The following PRR14 variants were observed in gnomAD, a reference collection of about 807,000 sequenced individuals.
PRR14 encodes proline rich 14.
PRR14 carries 33 observed loss-of-function variants against 57.2 expected under a neutral mutation model. That is an observed-to-expected ratio of 0.58 (90% CI 0.44 to 0.77). The LOEUF is 0.77. Ranked by LOEUF, PRR14 falls within the 30% of genes least tolerant of loss-of-function variation. The pLI is 0.00. For synonymous variants in PRR14, 303 were observed against 314.7 expected (o/e 0.96, Z 0.39); for missense variants, 716 against 788.1 (o/e 0.91, Z 1.10).
intron 5 of PRR14, 29 bp from the exon 6 acceptor site, chr16:30,653,336 C>A: frequency 6.2e-7 from 1 of 1,612,804 alleles, no homozygotes; most frequent in Non-Finnish European, 8.5e-7. Flanking sequence ...TTTCCTGCCT[C>A]CCCACAAACA....
At chr16:30,652,696 C>T (rs1182757383) in intron 3 of PRR14, 25 bp from the exon 4 acceptor site, 17 of 1,613,982 alleles carry the variant, frequency 1.1e-5, no homozygotes, top group Non-Finnish European at 1.4e-5. Context: ...TATCACCTTG[C>T]TCTTGACACC....
At chr16:30,654,429 G>C in intron 7 of PRR14, 90 bp downstream of exon 7, 1 of 1,173,682 alleles carries the variant, frequency 8.5e-7, no homozygotes, top group South Asian at 1.3e-5. Context: ...TTGGGGATAG[G>C]GCTTAAGCCA....
intron 3 of PRR14, chr16:30,652,232 C>CTTTTT: frequency 1.9e-6 from 1 of 519,546 alleles, no homozygotes; most frequent in Non-Finnish European, 3.5e-6. Flanking sequence ...TTTTTTCTAT[C>CTTTTT]TTTTTTTTTT....
Position 30,651,641 on chromosome 16 carries a change from C to A in PRR14, c.-5C>A. 6.3e-7 allele frequency: 1 copy of A among 1,595,020 alleles called. No homozygotes were observed. ...AGGGACCCCCCCGGAGCCGCCGCGT[C>A]TCCCATGGACTTGCCCGGGGACTCC... On this transcript the variant is annotated 5_prime_UTR_variant, in exon 2 of 12. Transcript: ENST00000300835. The surrounding 1 kb of genome is among the most constrained non-coding windows in gnomAD (Gnocchi z 5.0).
chr16:30,655,255 C>G lies in PRR14; in HGVS notation c.1244+41C>G. ...AACCCCCTTGAAGCCTGGCTGCAGC[C>G]TGGTCCCAGCCTCCTTCCCTGAGTA... On this transcript the variant is annotated intron_variant, in intron 8 of 11. Coordinates refer to ENST00000300835, the MANE Select transcript of PRR14 (RefSeq NM_024031.5). This position sits in a 1 kb window ranked among gnomAD's most constrained non-coding sequence, Gnocchi z 4.6. 2 of 1,596,516 alleles carry G rather than the reference C, an allele frequency of 1.3e-6. No individual in the cohort carries two copies. Among genetic ancestry groups the G allele is most frequent in the Non-Finnish European group, 1.7e-6 (2 of 1,168,166 alleles).
intron 3 of PRR14, 192 bp from the exon 4 acceptor site, chr16:30,652,529 A>G: frequency 1.5e-6 from 1 of 669,894 alleles, no homozygotes; most frequent in Non-Finnish European, 2.6e-6. Context: ...CCCAGGTCCT[A>G]CACCTGCAGT....
At chr16:30,652,561 C>A in intron 3 of PRR14, 160 bp from the exon 4 acceptor site, 1 of 841,768 alleles carries the variant, frequency 1.2e-6, no homozygotes, top group Non-Finnish European at 1.9e-6. Flanking sequence ...AATATCTGGC[C>A]CCTAATTCAG....
Position 30,654,283 on chromosome 16 carries a change from A to C in PRR14, c.602A>C (p.Glu201Ala), listed in dbSNP as rs150237031. Residue 201 changes from glutamate to alanine, a missense_variant, in exon 7 of 12, where the codon GAA becomes GCA. By Grantham distance (107) the Glu-to-Ala change is moderately radical (BLOSUM62 -1). Coordinates refer to ENST00000300835, the MANE Select transcript of PRR14 (RefSeq NM_024031.5). ...RQPTPPPGDL[E>A]PPFQPSALPA... ...CCAACGCCTCCACCTGGGGACCTAG[A>C]ACCCCCATTCCAGCCATCTGCTCTG... is the stretch of plus-strand genomic sequence containing the variant. 1.2e-4 allele frequency: 189 copies of C among 1,613,934 alleles called. No homozygotes were observed. Among genetic ancestry groups the C allele is most frequent in the Non-Finnish European group, 1.6e-4 (186 of 1,179,964 alleles).
In PRR14 at chr16:30,651,352, G is replaced by A. The variant is rs1298341717; in HGVS notation, c.-51+225G>A. ...AGGCCTCGGGAGGCTCGGGCCGCGGGAGAACTGGGGCCGCTGCATTCTGGG... is the reference window on the plus strand; with the variant it reads ...AGGCCTCGGGAGGCTCGGGCCGCGGAAGAACTGGGGCCGCTGCATTCTGGG... On this transcript the variant is annotated intron_variant, in intron 1 of 11. Transcript: ENST00000300835. This position sits in a 1 kb window ranked among gnomAD's most constrained non-coding sequence, Gnocchi z 5.0. The A allele has an allele frequency of 2.2e-6, 1 of 447,986 alleles. No individual in the cohort carries two copies. The highest frequency in any genetic ancestry group is 4.1e-6 in the Non-Finnish European group (1 of 246,690). 27.8% of individuals were successfully genotyped at this position (447,986 alleles called of 1,614,324 possible).
rs201162669 is a variant in PRR14, at chr16:30,654,631, C to G, written c.661C>G (p.Pro221Ala). The change falls in exon 8 of 12, where the codon CCA becomes GCA. Residue 221 changes from proline (P) to alanine (A), a missense_variant and splice_region_variant. Physicochemically the swap from Pro to Ala is conservative, Grantham distance 27 (BLOSUM62 -1). Coordinates refer to ENST00000300835, the MANE Select transcript of PRR14 (RefSeq NM_024031.5). ...CTGTGACCCTCTCCTTTCCTCAGCC[C>G]CAGATCCTGCTCTGGAGCTCCCATC... ...ADPLESPPTAPDPALELPSTP... is the reference protein window; with the variant it reads ...ADPLESPPTAADPALELPSTP... 1 of 1,599,546 alleles carries G rather than the reference C, an allele frequency of 6.3e-7. No homozygotes were observed. The highest frequency in any genetic ancestry group is 2.2e-5 in the East Asian group (1 of 44,670).
rs764668239 is a variant in PRR14, at chr16:30,654,714, G to A, written c.744G>A (p.Pro248=). 3.2e-5 allele frequency: 52 copies of A among 1,613,518 alleles called. No individual in the cohort carries two copies. The highest frequency in any genetic ancestry group is 1.6e-4 in the Middle Eastern group (1 of 6,084). The part of the protein sequence containing the change: ...RPRLSPWGLA[P]LFRSVRSKLE... The stretch of plus-strand genomic sequence containing the variant: ...GCCTCAGTCCCTGGGGCTTGGCCCC[G>A]CTCTTCCGTTCCGTCCGCTCCAAGC... The change falls in exon 8 of 12, where the codon CCG becomes CCA. Residue 248 remains proline (P), a synonymous_variant. Transcript: ENST00000300835.
Position 30,656,016 on chromosome 16 carries a change from T to G in PRR14, c.1479-16T>G, listed in dbSNP as rs1212620690. On this transcript the variant is annotated splice_polypyrimidine_tract_variant and intron_variant, in intron 11 of 11. Coordinates refer to ENST00000300835, the MANE Select transcript of PRR14 (RefSeq NM_024031.5). Reference sequence around the variant, plus strand: ...AGCACCCTGATAAAACCAGCTCCTCTCCCTGCCTTGTTCAGGACCTTTGAG... The same window carrying G: ...AGCACCCTGATAAAACCAGCTCCTCGCCCTGCCTTGTTCAGGACCTTTGAG... The G allele has an allele frequency of 3.2e-6, 5 of 1,586,070 alleles. No homozygotes were observed. The highest frequency in any genetic ancestry group is 4.3e-6 in the Non-Finnish European group (5 of 1,166,632).
At position 30,654,792 on chromosome 16, in the gene PRR14, A is replaced by G. The variant is rs769729172; in HGVS notation, c.822A>G (p.Pro274=). 2.4e-5 allele frequency: 11 copies of G among 467,904 alleles called. No individual in the cohort carries two copies. Among genetic ancestry groups the G allele is most frequent in the South Asian group, 9.6e-5 (4 of 41,506 alleles). 29.0% of individuals were successfully genotyped at this position (467,904 alleles called of 1,614,324 possible). A position where few individuals can be genotyped will look rare whatever the true frequency, so the allele number is the denominator to read the frequency against. ...CGCCCAACAAAACCCCACAGCCCCC[A>G]CCCCCGTCCCCCCCAATGAAGCTGG... ...FLTPNKTPQP[P]PPSPPMKLEL... The change falls in exon 8 of 12, where the codon CCA becomes CCG. Residue 274 remains proline, a synonymous_variant. Coordinates refer to ENST00000300835, the MANE Select transcript of PRR14 (RefSeq NM_024031.5).
At chr16:30,652,113 G>A (rs1252487309) in intron 3 of PRR14, 149 bp downstream of exon 3, 3 of 895,882 alleles carry the variant, frequency 3.3e-6, no homozygotes, top group Non-Finnish European at 5.0e-6. Context: ...GTAGAGTCCT[G>A]CTTGGCTCCC....
In PRR14 at chr16:30,652,974, C is replaced by T; in HGVS notation, c.375C>T (p.Ser125=). The change falls in exon 5 of 12, where the codon TCC becomes TCT. Residue 125 remains serine (S), a synonymous_variant. Coordinates refer to ENST00000300835, the MANE Select transcript of PRR14 (RefSeq NM_024031.5). ...TGAGCCGCATCCACCGGACCTCTTC[C>T]ACCCTGAGGCGGCGATCAAGGACAA... ...EPLSRIHRTS[S]TLRRRSRTTP... is the part of the protein sequence containing the mutation. 1.2e-6 allele frequency: 2 copies of T among 1,614,182 alleles called. No homozygotes were observed. Among genetic ancestry groups the T allele is most frequent in the Non-Finnish European group, 1.7e-6 (2 of 1,180,020 alleles).
chr16:30,651,766 C>G lies in PRR14; in HGVS notation c.24-30C>G, dbSNP rs767956297. Reference sequence around the variant, plus strand: ...CTACAGAGCCAGCGACAGGTTCGGGCGACCGTCCTCTGCTTCTTTCACCCT... The same window carrying G: ...CTACAGAGCCAGCGACAGGTTCGGGGGACCGTCCTCTGCTTCTTTCACCCT... On this transcript the variant is annotated intron_variant, in intron 2 of 11. Coordinates refer to ENST00000300835, the MANE Select transcript of PRR14 (RefSeq NM_024031.5). The surrounding 1 kb of genome is among the most constrained non-coding windows in gnomAD (Gnocchi z 5.0). The G allele has an allele frequency of 6.2e-7, 1 of 1,609,006 alleles. No homozygotes were observed. Among genetic ancestry groups the G allele is most frequent in the South Asian group, 1.1e-5 (1 of 91,084 alleles).
Position 30,655,766 on chromosome 16 carries a change from C to G in PRR14, c.1407-102C>G, listed in dbSNP as rs2052365138. 1 of 1,387,228 alleles carries G rather than the reference C, an allele frequency of 7.2e-7. No individual in the cohort carries two copies. Among genetic ancestry groups the G allele is most frequent in the Admixed American group, 1.7e-5 (1 of 59,358 alleles). 85.9% of individuals were successfully genotyped at this position (1,387,228 alleles called of 1,614,324 possible). On this transcript the variant is annotated intron_variant, in intron 10 of 11. Coordinates refer to ENST00000300835, the MANE Select transcript of PRR14 (RefSeq NM_024031.5). The surrounding 1 kb of genome is among the most constrained non-coding windows in gnomAD (Gnocchi z 4.6). ...TGTCTGCCTTATGTAGCACTCCTGG[C>G]CCTGACATGTCCCAGAAACTGAAAT...
intron 5 of PRR14, 99 bp downstream of exon 5, chr16:30,653,202 G>A: frequency 1.4e-6 from 2 of 1,398,880 alleles, no homozygotes; most frequent in Non-Finnish European, 2.0e-6. Context: ...TTCTTGGGGT[G>A]AGGAGGATGG....
Position 30,655,671 on chromosome 16 carries a change from C to G in PRR14, c.1406+78C>G. 1 of 1,421,938 alleles carries G rather than the reference C, an allele frequency of 7.0e-7. No individual in the cohort carries two copies. Among genetic ancestry groups the G allele is most frequent in the Non-Finnish European group, 9.9e-7 (1 of 1,011,134 alleles). The allele number at this position is 1,421,938 out of a possible 1,614,324, so 88.1% of individuals were successfully genotyped here. A position where few individuals can be genotyped will look rare whatever the true frequency, so the allele number is the denominator to read the frequency against. On this transcript the variant is annotated intron_variant, in intron 10 of 11. Transcript: ENST00000300835. The surrounding 1 kb of genome is among the most constrained non-coding windows in gnomAD (Gnocchi z 4.6). ...TGTCCCCTGAAGTATAGCTTTGTCT[C>G]CCCTCAGGGAGCACAGTCCAGCCTG...
Sources: allele counts gnomAD v4.1 joint callset, GRCh38; gene constraint gnomAD v4.1.1; non-coding constraint Gnocchi (gnomAD v3.1); transcripts MANE v1.5; gene names NCBI Gene and HGNC (gene_info 2026-07-23, HGNC 2026-07-21).